The following ADGRV1 variants were observed in gnomAD, a reference collection of about 807,000 sequenced individuals.
ADGRV1 encodes the protein G-protein coupled receptor 98.
A neutral mutation model predicts 596.2 loss-of-function variants in ADGRV1; 359 were observed. The ratio of observed to expected loss-of-function variants is 0.60; its 90% CI spans 0.55 to 0.66. ADGRV1 has a LOEUF of 0.66. ADGRV1 is among the 30% of genes least tolerant of loss of function. The pLI, the probability that ADGRV1 is intolerant of heterozygous loss-of-function variation, is 0.00. For missense variants in ADGRV1, 7,274 were observed against 7,575.6 expected (o/e 0.96, Z 1.48); for synonymous variants, 2,681 against 2,679.2 (o/e 1.00, Z -0.02).
chr5:90,667,509 C>T lies in ADGRV1; in HGVS notation c.4753-5037C>T, dbSNP rs1170678887. ...GTATTGATTATTCTAGTTATACATT[C>T]TTCTAAATTTTTTTCAAAGTTTTCA... On this transcript the variant is annotated intron_variant, in intron 21 of 89. Coordinates refer to ENST00000405460, the MANE Select transcript of ADGRV1 (RefSeq NM_032119.4). 1.3e-4 allele frequency among the ~76,000 whole-genome samples: 19 copies of T among 147,730 alleles called. 2 individuals carry two copies. In the South Asian group the frequency reaches 4.2e-3, roughly 33 times the overall value.
intron 85 of ADGRV1, among the ~76,000 whole-genome samples, chr5:91,027,299 G>T (rs1441954255): frequency 6.6e-6 from 1 of 151,994 alleles, no homozygotes; most frequent in African/African-American, 2.4e-5. Context: ...CTAACAGAAG[G>T]AGTCCCTGGA....
At chr5:90,722,436 C>T (rs968280810) in intron 45 of ADGRV1, among the ~76,000 whole-genome samples, 5 of 150,362 alleles carry the variant, frequency 3.3e-5, no homozygotes, top group Non-Finnish European at 5.9e-5. Flanking sequence ...CTGGGCCGGG[C>T]GCGGTGGTTC....
chr5:90,764,203 A>C (rs1223896704), intron 59 of ADGRV1, among the ~76,000 whole-genome samples: 1 of 152,194 alleles, frequency 6.6e-6, no homozygotes, highest in Non-Finnish European at 1.5e-5. Context: ...TTGGCTCTGC[A>C]GTGCAGCTGC....
rs184623755 is a variant in ADGRV1, at chr5:91,140,566, A to T, written c.18433-9464A>T. On this transcript the variant is annotated intron_variant, in intron 87 of 89. Coordinates refer to ENST00000405460, the MANE Select transcript of ADGRV1 (RefSeq NM_032119.4). The stretch of plus-strand genomic sequence containing the variant: ...TCTCCAGTTTTTATTAAAACTTTTT[A>T]AAAAATTATCCTTGGATGCCAAACC... 1.1e-3 allele frequency among the ~76,000 whole-genome samples: 164 copies of T among 152,274 alleles called. 1 individual carries two copies. The East Asian group carries it at 0.022, about 21-fold the overall frequency.
intron 83 of ADGRV1, among the ~76,000 whole-genome samples, chr5:90,948,076 A>C (rs1008035491): frequency 6.6e-6 from 1 of 152,066 alleles, no homozygotes; most frequent in Non-Finnish European, 1.5e-5. Context: ...ATTATGACTT[A>C]TTCTATGCAG....
chr5:90,568,091 T>C (rs1755887132), intron 1 of ADGRV1, among the ~76,000 whole-genome samples: 1 of 152,138 alleles, frequency 6.6e-6, no homozygotes, highest in Non-Finnish European at 1.5e-5. Flanking sequence ...TTTTCTCTGT[T>C]GTATTTCTAT....
chr5:90,653,232 C>T lies in ADGRV1; in HGVS notation c.3658C>T (p.Gln1220Ter). The T allele has an allele frequency of 6.2e-7, 1 of 1,610,880 alleles. No individual in the cohort carries two copies. The highest frequency in any genetic ancestry group is 8.5e-7 in the Non-Finnish European group (1 of 1,177,792). The change falls in exon 20 of 90, where the codon CAG (glutamine) becomes TAG (stop). Residue 1220 changes from glutamine (Q) to a stop codon, truncating the protein, a stop_gained. Coordinates refer to ENST00000405460, the MANE Select transcript of ADGRV1 (RefSeq NM_032119.4). LOFTEE classifies it high-confidence loss of function. ...AGGTGGATCCCCAGGTCCTGGGGGC[C>T]AGCTAGCAGAAACCAACCTCCAGGT... ...ISGGSPGPGG[Q>*]LAETNLQVTV...
intron 1 of ADGRV1, among the ~76,000 whole-genome samples, chr5:90,559,925 AT>A (rs1754588041): frequency 1.3e-5 from 2 of 152,288 alleles, no homozygotes; most frequent in Admixed American, 1.3e-4. Flanking sequence ...AAAAAATGAT[AT>A]CTTAGGCAGG....
rs763452527 is a variant in ADGRV1, at chr5:90,728,800, C to T, written c.10293C>T (p.Asn3431=). 3.3e-5 allele frequency: 54 copies of T among 1,613,882 alleles called. No homozygotes were observed. In the African/African-American group the frequency reaches 6.3e-4, roughly 19 times the overall value. ...LAISQANARL[N]SLLFRWSGSG... Reference sequence around the variant, plus strand: ...TTTCCCAGGCTAATGCCAGGCTAAACTCCCTTTTATTCAGATGGTCTGGCA... The same window carrying T: ...TTTCCCAGGCTAATGCCAGGCTAAATTCCCTTTTATTCAGATGGTCTGGCA... Residue 3431 remains asparagine, a synonymous_variant, in exon 49 of 90, where the codon AAC becomes AAT. Transcript: ENST00000405460.
rs767821412 is a variant in ADGRV1 at position 90,811,055 on chromosome 5, A to G, written c.15795A>G (p.Arg5265=). The G allele has an allele frequency of 1.9e-6, 3 of 1,614,048 alleles. No individual in the cohort carries two copies. Among genetic ancestry groups the G allele is most frequent in the East Asian group, 2.2e-5 (1 of 44,892 alleles). The change falls in exon 74 of 90, where the codon AGA becomes AGG. Residue 5265 remains arginine, a synonymous_variant. Transcript: ENST00000405460. ...VSITVKTFGE[R]CAQMEPNALP... ...TAACAGTTAAAACTTTCGGTGAAAG[A>G]TGTGCTCAGATGGAACCAAATGCAT...
intron 84 of ADGRV1, among the ~76,000 whole-genome samples, chr5:90,968,942 G>C (rs1778712607): frequency 1.3e-5 from 2 of 152,118 alleles, no homozygotes; most frequent in African/African-American, 4.8e-5. Flanking sequence ...AAGCATGTCA[G>C]AATTGTTAAC....
chr5:90,865,788 T>C (rs2438343), intron 83 of ADGRV1, among the ~76,000 whole-genome samples: 94,521 of 151,894 alleles, frequency 0.62, 29,699 homozygotes, highest in East Asian at 0.83. Context: ...TAAAAAATTC[T>C]TAGACCCCCC....
At chr5:90,594,395 A>T (rs1051647134) in intron 1 of ADGRV1, among the ~76,000 whole-genome samples, 11 of 151,444 alleles carry the variant, frequency 7.3e-5, no homozygotes, top group African/African-American at 2.7e-4. Flanking sequence ...TTCTGCCATA[A>T]TTGTAAGTTT....
rs780302197 is a variant in ADGRV1 at position 90,716,658 on chromosome 5, T to C, written c.9376T>C (p.Ser3126Pro). ...TCAGTTCATTGTGACAGAAGTGAAT[T>C]CCTCAAATGAATCTAAAGATCTGAC... ...TVQFIVTEVNSSNESKDLTPS... is the reference protein window; with the variant it reads ...TVQFIVTEVNPSNESKDLTPS... The change falls in exon 43 of 90, where the codon TCC becomes CCC. Residue 3126 changes from serine (S) to proline (P), a missense_variant. Physicochemically the swap from Ser to Pro is moderately conservative, Grantham distance 74. Coordinates refer to ENST00000405460, the MANE Select transcript of ADGRV1 (RefSeq NM_032119.4). 2 of 1,613,164 alleles carry C rather than the reference T, an allele frequency of 1.2e-6. No individual in the cohort carries two copies. Among genetic ancestry groups the C allele is most frequent in the Non-Finnish European group, 1.7e-6 (2 of 1,179,290 alleles).
intron 21 of ADGRV1, among the ~76,000 whole-genome samples, chr5:90,671,266 C>T (rs764334089): frequency 7.2e-5 from 11 of 152,150 alleles, no homozygotes; most frequent in Non-Finnish European, 1.3e-4. Context: ...TAGTGACCTA[C>T]TGCCTGAATT....
At chr5:90,979,232 A>T (rs1467891778) in intron 84 of ADGRV1, among the ~76,000 whole-genome samples, 1 of 150,992 alleles carries the variant, frequency 6.6e-6, no homozygotes, top group Non-Finnish European at 1.5e-5. Flanking sequence ...GCAGTGGCGC[A>T]GTCTCGGCTC....
chr5:91,035,861 T>TATATATAATATATA, intron 85 of ADGRV1, among the ~76,000 whole-genome samples: 2 of 96,402 alleles, frequency 2.1e-5, no homozygotes, highest in African/African-American at 7.6e-5. Flanking sequence ...TATATATATA[T>TATATATAATATATA]TATATATATA....
At chr5:90,746,157 A>C (rs147256268) in intron 52 of ADGRV1, among the ~76,000 whole-genome samples, 23 of 148,998 alleles carry the variant, frequency 1.5e-4, no homozygotes, top group Admixed American at 2.7e-4. Flanking sequence ...ATACTGTGTG[A>C]TATACACATC....
At chr5:90,725,049 A>G (rs752928364) in intron 46 of ADGRV1, 37 bp from the exon 47 acceptor site, 1 of 1,536,264 alleles carries the variant, frequency 6.5e-7, no homozygotes, top group South Asian at 1.2e-5. Flanking sequence ...TTTTAGATGT[A>G]TAATGAATAA....
Sources: allele counts gnomAD v4.1 joint callset (sites outside exome capture counted in the v4.1 genomes callset), GRCh38; gene constraint gnomAD v4.1.1; transcripts MANE v1.5; gene names NCBI Gene and HGNC (gene_info 2026-07-23, HGNC 2026-07-21).